The following YEATS2 variants were observed in gnomAD, a reference collection of about 807,000 sequenced individuals.
YEATS2 encodes the protein YEATS domain containing 2.
Under a neutral mutation model 163.2 loss-of-function variants are expected in YEATS2, and 77 were observed. That is an observed-to-expected ratio of 0.47 (90% confidence interval 0.39 to 0.57). The LOEUF (loss-of-function observed/expected upper bound fraction) is 0.57. YEATS2 is among the 20% of genes least tolerant of loss of function. The pLI is 0.00. For synonymous variants in YEATS2, 631 were observed against 645.1 expected (o/e 0.98, Z 0.33); for missense variants, 1,549 against 1,729.8 (o/e 0.90, Z 1.85).
intron 6 of YEATS2, 22 bp downstream of exon 6, chr3:183,724,553 T>C: frequency 6.5e-7 from 1 of 1,538,420 alleles, no homozygotes; most frequent in Non-Finnish European, 9.0e-7. Context: ...GTTGAATTTA[T>C]TTTTATTTGT....
At position 183,772,327 on chromosome 3, in the gene YEATS2, C is replaced by G. The variant is rs371672064; in HGVS notation, c.1970C>G (p.Ser657Cys). ...PSKVVGVPVG[S>C]ALPSTVKQAV... Reference sequence around the variant, plus strand: ...CAGGTTGTCGGGGTACCAGTTGGGTCTGCTTTACCTTCAACAGTGAAGCAG... The same window carrying G: ...CAGGTTGTCGGGGTACCAGTTGGGTGTGCTTTACCTTCAACAGTGAAGCAG... Residue 657 changes from serine to cysteine, a missense_variant, in exon 16 of 31, where the codon TCT becomes TGT. Coordinates refer to ENST00000305135, the MANE Select transcript of YEATS2 (RefSeq NM_018023.5). 1.2e-6 allele frequency: 2 copies of G among 1,614,036 alleles called. No individual in the cohort carries two copies. Among genetic ancestry groups the G allele is most frequent in the South Asian group, 1.1e-5 (1 of 91,074 alleles).
chr3:183,761,994 T>C (rs1721404268), intron 14 of YEATS2, 103 bp from the exon 15 acceptor site: 9 of 1,476,012 alleles, frequency 6.1e-6, no homozygotes, highest in Non-Finnish European at 8.5e-6. Context: ...TCAAGTTTCA[T>C]CAATTCATTA....
intron 27 of YEATS2, among the ~76,000 whole-genome samples, chr3:183,805,881 G>A (rs546834768): frequency 2.0e-5 from 3 of 152,030 alleles, no homozygotes; most frequent in Non-Finnish European, 2.9e-5. Context: ...CTCCTGCAGC[G>A]CTTAATATCA....
At chr3:183,785,960 T>G (rs1724025094) in intron 19 of YEATS2, among the ~76,000 whole-genome samples, 165 bp from the exon 20 acceptor site, 1 of 152,214 alleles carries the variant, frequency 6.6e-6, no homozygotes, top group Non-Finnish European at 1.5e-5. Flanking sequence ...GTCATAAAAT[T>G]TGGAGCTTGT....
intron 21 of YEATS2, among the ~76,000 whole-genome samples, chr3:183,797,544 CAATAAATA>C (rs111590921): frequency 9.1e-5 from 13 of 143,034 alleles, no homozygotes; most frequent in African/African-American, 1.1e-4. Context: ...GTCTCTAACA[CAATAAATA>C]AATAAATAAA....
chr3:183,773,557 T>G, intron 16 of YEATS2, 76 bp from the exon 17 acceptor site: 1 of 1,381,692 alleles, frequency 7.2e-7, no homozygotes, highest in Non-Finnish European at 9.7e-7. Context: ...AAGAATTTAT[T>G]GCCTTGTATT....
At chr3:183,754,006 CTACCAGTACATGGTTTAAAATGG>C in intron 10 of YEATS2, 97 bp from the exon 11 acceptor site, 1 of 1,217,232 alleles carries the variant, frequency 8.2e-7, no homozygotes, top group South Asian at 2.3e-5. Context: ...ATTTATTTTG[CTACCAGTACATGGTTTAAAATGG>C]TGTTGAAATA....
chr3:183,735,777 C>T (rs948011891), intron 7 of YEATS2, among the ~76,000 whole-genome samples: 1 of 152,114 alleles, frequency 6.6e-6, no homozygotes. Flanking sequence ...GCCTCCGCCC[C>T]CCGGGTTCAA....
At chr3:183,756,189 T>C (rs1488449919) in intron 11 of YEATS2, among the ~76,000 whole-genome samples, 1 of 152,270 alleles carries the variant, frequency 6.6e-6, no homozygotes. Flanking sequence ...TGTAAAGCAC[T>C]GCTTTCTGAA....
chr3:183,809,205 T>TA (rs748671745), intron 30 of YEATS2, 35 bp downstream of exon 30: 14 of 1,590,534 alleles, frequency 8.8e-6, no homozygotes, highest in Non-Finnish European at 1.2e-5. Context: ...GTGTGAGGCT[T>TA]ACACCTCTTT....
intron 11 of YEATS2, among the ~76,000 whole-genome samples, chr3:183,754,795 C>G (rs2109304913): frequency 6.6e-6 from 1 of 152,306 alleles, no homozygotes; most frequent in Non-Finnish European, 1.5e-5. Flanking sequence ...CTGTCTGTAA[C>G]CACACTAGAA....
chr3:183,715,692 T>G (rs1045500559), intron 2 of YEATS2, among the ~76,000 whole-genome samples: 3 of 152,194 alleles, frequency 2.0e-5, no homozygotes, highest in Non-Finnish European at 2.9e-5. Flanking sequence ...AAAGCTAAAA[T>G]TATTTTTAAA....
In YEATS2 at chr3:183,810,498, G is replaced by A. The variant is rs548889600; in HGVS notation, c.4184G>A (p.Ser1395Asn). 3.5e-5 allele frequency: 57 copies of A among 1,614,154 alleles called. No individual in the cohort carries two copies. The South Asian group carries it at 5.8e-4, about 16-fold the overall frequency. ...HNRIPKEITV[S>N]NIHQAICNIP... ...AGGATTCCCAAAGAAATTACAGTGAGTAATATTCACCAGGCCATTTGCAAC... is the reference window on the plus strand; with the variant it reads ...AGGATTCCCAAAGAAATTACAGTGAATAATATTCACCAGGCCATTTGCAAC... Residue 1395 changes from serine to asparagine, a missense_variant, in exon 31 of 31, where the codon AGT becomes AAT. Ser to Asn is a conservative substitution (Grantham distance 46). Coordinates refer to ENST00000305135, the MANE Select transcript of YEATS2 (RefSeq NM_018023.5).
In YEATS2 at chr3:183,798,060, C is replaced by T. The variant is rs1725325745; in HGVS notation, c.3226+9C>T. The T allele has an allele frequency of 1.2e-6, 2 of 1,613,088 alleles. No individual in the cohort carries two copies. Among genetic ancestry groups the T allele is most frequent in the African/African-American group, 1.3e-5 (1 of 74,798 alleles). ...GATGCCTGTGAATAAAGGTGAGTCC[C>T]TTGCCCACGGGTCGTCTGTGCTGTG... On this transcript the variant is annotated intron_variant, in intron 22 of 30. Transcript: ENST00000305135.
rs748376227 is a variant in YEATS2, at chr3:183,718,428, T to C, written c.199-72T>C. 310 of 1,168,022 alleles carry C rather than the reference T, an allele frequency of 2.7e-4. 1 individual carries two copies. The highest frequency in any genetic ancestry group is 1.5e-4 in the Non-Finnish European group (129 of 833,340). The allele number at this position is 1,168,022 out of a possible 1,614,324, so 72.4% of individuals were successfully genotyped here. On this transcript the variant is annotated intron_variant, in intron 3 of 30. Transcript: ENST00000305135. ...TTTTTTCACTCATTCACGTTTCTTA[T>C]TTTGTGAATTGTTTGTACATCTCTT... is the stretch of plus-strand genomic sequence containing the variant.
At chr3:183,747,928 C>T (rs1719729890) in intron 9 of YEATS2, among the ~76,000 whole-genome samples, 1 of 151,882 alleles carries the variant, frequency 6.6e-6, no homozygotes, top group African/African-American at 2.4e-5. Flanking sequence ...TACAGGAACG[C>T]ACCACCATGC....
intron 21 of YEATS2, among the ~76,000 whole-genome samples, chr3:183,794,810 T>G (rs539922801): frequency 6.6e-6 from 1 of 152,190 alleles, no homozygotes; most frequent in Admixed American, 6.5e-5. Context: ...TTTAAGGCAT[T>G]TATACCCTTT....
intron 27 of YEATS2, chr3:183,806,048 C>T (rs2108533001): frequency 2.9e-6 from 1 of 343,254 alleles, no homozygotes; most frequent in Middle Eastern, 1.0e-3. Context: ...GGCCCCTAAC[C>T]TACAATGGTT....
At position 183,756,566 on chromosome 3, in the gene YEATS2, C is replaced by G. The variant is rs571636044; in HGVS notation, c.1429C>G (p.Arg477Gly). ...ISTPSPSPLP[R>G]TPTSTPVHVK... ...AACTCCAAGCCCATCACCATTGCCT[C>G]GAACCCCGACTTCCACTCCAGTCCA... Residue 477 changes from arginine (R) to glycine (G), a missense_variant, in exon 12 of 31, where the codon CGA becomes GGA. Arg to Gly is a moderately radical substitution (Grantham distance 125). Coordinates refer to ENST00000305135, the MANE Select transcript of YEATS2 (RefSeq NM_018023.5). 3 of 1,604,220 alleles carry G rather than the reference C, an allele frequency of 1.9e-6. No individual in the cohort carries two copies. The highest frequency in any genetic ancestry group is 2.7e-5 in the African/African-American group (2 of 74,644).
Sources: allele counts gnomAD v4.1 joint callset (sites outside exome capture counted in the v4.1 genomes callset), GRCh38; gene constraint gnomAD v4.1.1; transcripts MANE v1.5; gene names NCBI Gene and HGNC (gene_info 2026-07-23, HGNC 2026-07-21).